CACNA1E: variants seen among roughly 807,000 people sequenced by gnomAD.
CACNA1E encodes the protein voltage-dependent R-type calcium channel subunit alpha-1E.
In CACNA1E, 40 loss-of-function variants were observed where a neutral mutation model predicts 259.2. The ratio of observed to expected loss-of-function variants is 0.15; its 90% CI spans 0.12 to 0.20. The LOEUF is 0.20. CACNA1E is among the 10% of genes least tolerant of loss of function. CACNA1E has a pLI of 1.00. For missense variants in CACNA1E, 1,874 were observed against 3,040.1 expected, an observed-to-expected ratio of 0.62 and a Z score of 9.02; for synonymous variants, 1,104 against 1,138.5, an observed-to-expected ratio of 0.97 and a Z score of 0.61.
chr1:181,705,364 T>C (rs1652691764), intron 7 of CACNA1E, among the ~76,000 whole-genome samples: 1 of 152,226 alleles, frequency 6.6e-6, no homozygotes, highest in Non-Finnish European at 1.5e-5. Flanking sequence ...GTTTTACAAT[T>C]TATATTTCTC....
intron 23 of CACNA1E, 34 bp from the exon 24 acceptor site, chr1:181,738,333 A>G (rs572890304): frequency 1.3e-6 from 2 of 1,593,486 alleles, no homozygotes; most frequent in Non-Finnish European, 1.7e-6. Context: ...TTGGCCACAC[A>G]TGGTCATTTC....
intron 5 of CACNA1E, among the ~76,000 whole-genome samples, 185 bp downstream of exon 5, chr1:181,579,409 A>G (rs937483609): frequency 6.6e-6 from 1 of 152,208 alleles, no homozygotes; most frequent in Non-Finnish European, 1.5e-5. Context: ...CTCACTTGAC[A>G]TTAATATTGC....
intron 6 of CACNA1E, among the ~76,000 whole-genome samples, chr1:181,596,746 A>G (rs945499840): frequency 6.6e-6 from 1 of 152,192 alleles, no homozygotes; most frequent in African/African-American, 2.4e-5. Context: ...GTAGTACTGT[A>G]CATAATTCAT....
chr1:181,539,167 C>G (rs189262416), intron 3 of CACNA1E, among the ~76,000 whole-genome samples: 3 of 152,324 alleles, frequency 2.0e-5, no homozygotes, highest in Non-Finnish European at 2.9e-5. Flanking sequence ...GACTGTGCTT[C>G]CTCCCCATTT....
intron 2 of CACNA1E, among the ~76,000 whole-genome samples, chr1:181,457,275 G>A (rs1661521397): frequency 6.6e-6 from 1 of 152,206 alleles, no homozygotes; most frequent in South Asian, 2.1e-4. Context: ...CCACCCTTAT[G>A]ACCTAATCAC....
rs1316769681 is a variant in CACNA1E, at chr1:181,348,031, C to T, written c.-15+29908C>T. On this transcript the variant is annotated intron_variant, in intron 1 of 11. Transcript: ENST00000524607. ...CTCTGGGAGTGCAGCCAGGGCCAGA[C>T]CTTCCACCCAGGCTTGGTTCCTGAA... is the stretch of plus-strand genomic sequence containing the variant. Among the ~76,000 whole-genome samples, 3 of 152,214 alleles carry T rather than the reference C, an allele frequency of 2.0e-5. No homozygotes were observed. In the East Asian group the frequency reaches 5.8e-4, roughly 29 times the overall value.
chr1:181,431,664 G>C (rs1187608363), intron 2 of CACNA1E, among the ~76,000 whole-genome samples: 1 of 152,206 alleles, frequency 6.6e-6, no homozygotes, highest in Admixed American at 6.5e-5. Context: ...TTGGTTTCAG[G>C]AAGGTCTCTG....
In CACNA1E at chr1:181,758,593, A is replaced by G. The variant is rs1455678182; in HGVS notation, c.4495-165A>G. 6.6e-6 allele frequency among the ~76,000 whole-genome samples: 1 copy of G among 152,094 alleles called. No homozygotes were observed. Reference sequence around the variant, plus strand: ...GTTTTCCTTTGTTTTGTTGGGTAGAATATGTGGTTCTCCTCTCCAGCACTC... The same window carrying G: ...GTTTTCCTTTGTTTTGTTGGGTAGAGTATGTGGTTCTCCTCTCCAGCACTC... On this transcript the variant is annotated intron_variant, in intron 31 of 47. Coordinates refer to ENST00000367573, the MANE Select transcript of CACNA1E (RefSeq NM_001205293.3). This position sits in a 1 kb window ranked among gnomAD's most constrained non-coding sequence, Gnocchi z 4.2.
At chr1:181,555,691 A>G (rs554574628) in intron 3 of CACNA1E, among the ~76,000 whole-genome samples, 1 of 152,354 alleles carries the variant, frequency 6.6e-6, no homozygotes, top group African/African-American at 2.4e-5. Context: ...TGGTCTTGGC[A>G]TTTGGAAGAT....
At position 181,720,240 on chromosome 1, in the gene CACNA1E, T is replaced by C; in HGVS notation, c.1786T>C (p.Leu596=). The C allele has an allele frequency of 6.2e-7, 1 of 1,613,948 alleles. No individual in the cohort carries two copies. The highest frequency in any genetic ancestry group is 1.3e-5 in the African/African-American group (1 of 75,046). ...TTCCCTACGGAATTTGGTGGTCTCC[T>C]TGATGAGCTCAATGAAGTCTATCAT... ...WASLRNLVVS[L]MSSMKSIISL... is the part of the protein sequence containing the mutation. Residue 596 remains leucine (L), a synonymous_variant, in exon 14 of 48, where the codon TTG becomes CTG. Transcript: ENST00000367573.
chr1:181,366,011 C>T (rs549547615), intron 1 of CACNA1E, among the ~76,000 whole-genome samples: 83 of 152,244 alleles, frequency 5.5e-4, no homozygotes, highest in Non-Finnish European at 9.0e-4. Context: ...CTGCCAGAGC[C>T]TGTGAACTTG....
At chr1:181,617,669 G>T (rs1655346102) in intron 6 of CACNA1E, among the ~76,000 whole-genome samples, 1 of 152,192 alleles carries the variant, frequency 6.6e-6, no homozygotes, top group South Asian at 2.1e-4. Flanking sequence ...TATATAGCAT[G>T]TTCTTTGCCA....
Position 181,758,713 on chromosome 1 carries a change from C to T in CACNA1E, c.4495-45C>T. The T allele has an allele frequency of 8.8e-7, 1 of 1,130,264 alleles. No individual in the cohort carries two copies. The highest frequency in any genetic ancestry group is 1.3e-6 in the Non-Finnish European group (1 of 747,486). 70.0% of individuals were successfully genotyped at this position (1,130,264 alleles called of 1,614,324 possible). ...TCAGTGACATGTATTCCCCCTCTTA[C>T]CTTAAGGCTGTGATTCTTTCTCTCT... On this transcript the variant is annotated intron_variant, in intron 31 of 47. Transcript: ENST00000367573. This position sits in a 1 kb window ranked among gnomAD's most constrained non-coding sequence, Gnocchi z 4.2.
chr1:181,326,094 C>T (rs1445617019), intron 1 of CACNA1E, among the ~76,000 whole-genome samples: 2 of 152,250 alleles, frequency 1.3e-5, no homozygotes, highest in Non-Finnish European at 2.9e-5. Flanking sequence ...GCTCCTTCCC[C>T]AGCGCCTCAT....
intron 1 of CACNA1E, among the ~76,000 whole-genome samples, chr1:181,321,176 C>A (rs914319547): frequency 2.0e-5 from 3 of 152,176 alleles, no homozygotes; most frequent in African/African-American, 7.2e-5. Context: ...CATGAGGGAT[C>A]AGCCCCCATG....
At position 181,323,248 on chromosome 1, in the gene CACNA1E, C is replaced by A. The variant is rs908672139; in HGVS notation, c.-15+5125C>A. Reference sequence around the variant, plus strand: ...AAAATAAAGATGCATGGTTCTTTCTCTTAAGTGATTGGTTTCTAGCTCTAA... The same window carrying A: ...AAAATAAAGATGCATGGTTCTTTCTATTAAGTGATTGGTTTCTAGCTCTAA... On this transcript the variant is annotated intron_variant, in intron 1 of 11. Transcript: ENST00000524607. Among the ~76,000 whole-genome samples, 44 of 152,194 alleles carry A rather than the reference C, an allele frequency of 2.9e-4. 1 individual carries two copies. The highest frequency in any genetic ancestry group is 2.6e-4 in the Admixed American group (4 of 15,282).
rs552647538 is a variant in CACNA1E, at chr1:181,487,213, C to T, written c.266+3203C>T. Among the ~76,000 whole-genome samples the T allele has an allele frequency of 9.9e-5, 15 of 152,278 alleles. No homozygotes were observed. The South Asian group carries it at 3.1e-3, about 32-fold the overall frequency. On this transcript the variant is annotated intron_variant, in intron 1 of 47. Coordinates refer to ENST00000367573, the MANE Select transcript of CACNA1E (RefSeq NM_001205293.3). ...AGGACGAGGGGGATAATGTACACTT[C>T]TATGTGCCGCATTAGTGGTCTCATC... is the stretch of plus-strand genomic sequence containing the variant.
In CACNA1E at chr1:181,793,744, C is replaced by A. The variant is rs770927901; in HGVS notation, c.5978C>A (p.Ala1993Glu). 17 of 1,611,056 alleles carry A rather than the reference C, an allele frequency of 1.1e-5. No homozygotes were observed. The highest frequency in any genetic ancestry group is 1.7e-5 in the Admixed American group (1 of 59,826). The change falls in exon 45 of 48, where the codon GCG becomes GAG. Residue 1993 changes from alanine to glutamate, a missense_variant. Ala to Glu is a moderately radical substitution (Grantham distance 107). Coordinates refer to ENST00000367573, the MANE Select transcript of CACNA1E (RefSeq NM_001205293.3). ...IYLPSDTQEHAGSGRASSMPR... is the reference protein window; with the variant it reads ...IYLPSDTQEHEGSGRASSMPR... ...CTTCCTTCGGACACCCAGGAGCATG[C>A]GGGATCTGGGAGGGCATCTTCTATG...
chr1:181,730,912 G>C (rs1276175256), intron 18 of CACNA1E, among the ~76,000 whole-genome samples: 2 of 152,228 alleles, frequency 1.3e-5, no homozygotes, highest in Non-Finnish European at 2.9e-5. Context: ...CTGGAGCTGT[G>C]GATCATGTGA....
Sources: gnomAD v4.1 joint callset for allele counts (sites outside exome capture counted in the v4.1 genomes callset) on GRCh38, gnomAD v4.1.1 for gene constraint, Gnocchi (gnomAD v3.1) non-coding constraint, MANE v1.5 for transcripts, NCBI Gene and HGNC (gene_info 2026-07-23, HGNC 2026-07-21) for gene names.